Variants in DEPDC5 observed in about 807,000 individuals in gnomAD.
DEPDC5 encodes DEP domain containing 5, GATOR1 subcomplex subunit, also known as GATOR1 complex protein DEPDC5.
In DEPDC5, 73 loss-of-function variants were observed where a neutral mutation model predicts 217.3. The ratio of observed to expected loss-of-function variants is 0.34; its 90% CI spans 0.28 to 0.41. The LOEUF (loss-of-function observed/expected upper bound fraction) is 0.41, where lower values mean the gene tolerates loss of function less well. DEPDC5 is among the 10% of genes least tolerant of loss of function. The pLI is 1.00. For synonymous variants in DEPDC5, 733 were observed against 756.7 expected, an observed-to-expected ratio of 0.97 and a Z score of 0.51; for missense variants, 1,675 against 2,070.1, an observed-to-expected ratio of 0.81 and a Z score of 3.70.
chr22:31,791,738 C>G (rs2085665598), intron 10 of DEPDC5, among the ~76,000 whole-genome samples: 1 of 151,306 alleles, frequency 6.6e-6, no homozygotes, highest in South Asian at 2.1e-4. Context: ...ACCATCTTGG[C>G]CAACATGGTG....
At chr22:31,790,423 C>G (rs1203112822) in intron 10 of DEPDC5, among the ~76,000 whole-genome samples, 2 of 152,168 alleles carry the variant, frequency 1.3e-5, no homozygotes, top group Admixed American at 1.3e-4. Context: ...ATATTGATCT[C>G]CAGACTCCAT....
chr22:31,797,901 T>C (rs182457580), intron 13 of DEPDC5, among the ~76,000 whole-genome samples, 198 bp downstream of exon 13: 36 of 150,834 alleles, frequency 2.4e-4, no homozygotes, highest in African/African-American at 8.5e-4. Flanking sequence ...ATACAGGGAG[T>C]GAGGCCTTGT....
intron 7 of DEPDC5, among the ~76,000 whole-genome samples, chr22:31,771,783 T>C (rs1231569487): frequency 1.1e-5 from 1 of 93,930 alleles, no homozygotes; most frequent in Non-Finnish European, 2.1e-5. Flanking sequence ...ACACACACAG[T>C]TAGGACTAGG....
In DEPDC5 at chr22:31,804,851, C is replaced by T. The variant is rs200020310; in HGVS notation, c.1153C>T (p.Arg385Trp). The T allele has an allele frequency of 8.3e-5, 134 of 1,613,906 alleles. No individual in the cohort carries two copies. Among genetic ancestry groups the T allele is most frequent in the Non-Finnish European group, 1.1e-4 (126 of 1,179,828 alleles). Residue 385 changes from arginine to tryptophan, a missense_variant, in exon 17 of 43, where the codon CGG becomes TGG. Transcript: ENST00000651528. ...HAVPLFKLHN[R>W]SAPRDSRLGD... The stretch of plus-strand genomic sequence containing the variant: ...ATTTTTCTCCTTGCAGCTCCATAAT[C>T]GGAGTGCTCCCCGTGATTCTCGTCT...
At chr22:31,760,982 GTT>G (rs201553511) in intron 4 of DEPDC5, among the ~76,000 whole-genome samples, 1 of 139,138 alleles carries the variant, frequency 7.2e-6, no homozygotes, top group Non-Finnish European at 1.6e-5. Flanking sequence ...TCTTAACATT[GTT>G]TTTTTTTTTT....
intron 10 of DEPDC5, 74 bp downstream of exon 10, chr22:31,784,949 T>G: frequency 7.2e-7 from 1 of 1,393,274 alleles, no homozygotes; most frequent in Non-Finnish European, 1.0e-6. Context: ...GCACTGTTTT[T>G]ATTAAATTGC....
In DEPDC5 at chr22:31,777,968, G is replaced by A. The variant is rs966730151; in HGVS notation, c.414-131G>A. ...TCACCATGTTGTCCAGGCTGGTCTCGAAGTCCTGACCTCAGGTAATTCGCC... is the reference window on the plus strand; with the variant it reads ...TCACCATGTTGTCCAGGCTGGTCTCAAAGTCCTGACCTCAGGTAATTCGCC... On this transcript the variant is annotated intron_variant, in intron 7 of 42. Coordinates refer to ENST00000651528, the MANE Select transcript of DEPDC5 (RefSeq NM_001242896.3). 21 of 945,368 alleles carry A rather than the reference G, an allele frequency of 2.2e-5. No homozygotes were observed. The Middle Eastern group carries it at 6.6e-4, about 30-fold the overall frequency. The allele number at this position is 945,368 out of a possible 1,614,324, so 58.6% of individuals were successfully genotyped here. A position where few individuals can be genotyped will look rare whatever the true frequency, so the allele number is the denominator to read the frequency against.
At chr22:31,828,437 A>G (rs1013627491) in intron 24 of DEPDC5, among the ~76,000 whole-genome samples, 1 of 137,954 alleles carries the variant, frequency 7.2e-6, no homozygotes, top group Non-Finnish European at 1.5e-5. Context: ...AGGCAACAAG[A>G]GCAAAACTCC....
At position 31,778,107 on chromosome 22, in the gene DEPDC5, C is replaced by CTGG. The variant is rs761114750; in HGVS notation, c.425_427dup (p.Gly142dup). ...TGTGTGTATTCTTTCAGAGCACAGG[C>CTGG]TGGTGAACTGTGGGTTAAGAATGAG... is the stretch of plus-strand genomic sequence containing the variant. On this transcript the variant is annotated inframe_insertion, in exon 8 of 43. Transcript: ENST00000651528. 7 of 1,614,140 alleles carry CTGG rather than the reference C, an allele frequency of 4.3e-6. No individual in the cohort carries two copies. Among genetic ancestry groups the CTGG allele is most frequent in the Middle Eastern group, 1.6e-4 (1 of 6,062 alleles).
chr22:31,843,489 A>T (rs2091521346), intron 28 of DEPDC5, among the ~76,000 whole-genome samples, 156 bp from the exon 29 acceptor site: 2 of 152,212 alleles, frequency 1.3e-5, no homozygotes, highest in Admixed American at 1.3e-4. Context: ...AGAAGATCTG[A>T]GAAATTTCTA....
Position 31,906,495 on chromosome 22 carries a change from T to C in DEPDC5, c.4810T>C (p.Ter1604ArgextTer12), listed in dbSNP as rs752576823. Reference protein sequence around the residue: ...CLEKMHASAP* With the variant: ...CLEKMHASAPR ...GGAGAAGATGCATGCCAGTGCCCCG[T>C]GAGGCCAGGCTGCACCTGTGCTGGG... The change falls in exon 43 of 43, where the codon TGA becomes CGA. Residue 1604 changes from the stop codon to arginine (R), a stop_lost. Transcript: ENST00000651528. This position sits in a 1 kb window ranked among gnomAD's most constrained non-coding sequence, Gnocchi z 5.1. The C allele has an allele frequency of 6.3e-7, 1 of 1,582,580 alleles. No homozygotes were observed. Among genetic ancestry groups the C allele is most frequent in the Non-Finnish European group, 8.7e-7 (1 of 1,154,332 alleles).
chr22:31,776,312 A>G (rs563788361), intron 7 of DEPDC5, among the ~76,000 whole-genome samples: 33 of 151,946 alleles, frequency 2.2e-4, no homozygotes, highest in African/African-American at 7.7e-4. Context: ...GGGTCTCACT[A>G]TGCTACCTAG....
chr22:31,832,084 C>T (rs997401880), intron 24 of DEPDC5, among the ~76,000 whole-genome samples: 3 of 152,226 alleles, frequency 2.0e-5, no homozygotes, highest in African/African-American at 7.2e-5. Flanking sequence ...GATTCATCCA[C>T]GTTGCCACGT....
rs1217547093 is a variant in DEPDC5 at position 31,754,843 on chromosome 22, G to A, written c.-60-19G>A. 1.9e-6 allele frequency: 3 copies of A among 1,545,464 alleles called. No homozygotes were observed. The highest frequency in any genetic ancestry group is 2.7e-6 in the Non-Finnish European group (3 of 1,120,376). Reference sequence around the variant, plus strand: ...AAAAATCTGACATTCCAACCTTTTCGTTTGTATTTCTGTGGCAGGGAGGCA... The same window carrying A: ...AAAAATCTGACATTCCAACCTTTTCATTTGTATTTCTGTGGCAGGGAGGCA... On this transcript the variant is annotated intron_variant, in intron 1 of 42. Transcript: ENST00000651528.
At chr22:31,878,081 G>T (rs1033375103) in intron 37 of DEPDC5, among the ~76,000 whole-genome samples, 4 of 152,014 alleles carry the variant, frequency 2.6e-5, no homozygotes, top group African/African-American at 9.7e-5. Flanking sequence ...CAGCTACTTG[G>T]GAGGCTGAGG....
At chr22:31,826,708 T>G (rs1303717502) in intron 24 of DEPDC5, among the ~76,000 whole-genome samples, 2 of 152,230 alleles carry the variant, frequency 1.3e-5, no homozygotes, top group Non-Finnish European at 2.9e-5. Flanking sequence ...ATCTCACTGC[T>G]TGTTTTCCAT....
intron 15 of DEPDC5, among the ~76,000 whole-genome samples, chr22:31,803,583 C>T (rs961684568): frequency 6.6e-6 from 1 of 151,952 alleles, no homozygotes; most frequent in Admixed American, 6.6e-5. Context: ...TGCCTCGTAT[C>T]CCCAACTCAG....
intron 5 of DEPDC5, among the ~76,000 whole-genome samples, chr22:31,765,780 T>C (rs560427286): frequency 1.3e-5 from 2 of 151,664 alleles, no homozygotes; most frequent in African/African-American, 2.4e-5. Flanking sequence ...CCCAGCACTT[T>C]GGGAGGCCAA....
Position 31,791,014 on chromosome 22 carries a change from C to T in DEPDC5, c.625-1019C>T, listed in dbSNP as rs927674623. Reference sequence around the variant, plus strand: ...CACCCGCCTCAGCCTCCCAAAGCACCGGGATTGCAGGTTTGAGCCACCACG... The same window carrying T: ...CACCCGCCTCAGCCTCCCAAAGCACTGGGATTGCAGGTTTGAGCCACCACG... On this transcript the variant is annotated intron_variant, in intron 10 of 42. Coordinates refer to ENST00000651528, the MANE Select transcript of DEPDC5 (RefSeq NM_001242896.3). Among the ~76,000 whole-genome samples, 4 of 151,926 alleles carry T rather than the reference C, an allele frequency of 2.6e-5. No individual in the cohort carries two copies. In the South Asian group the frequency reaches 8.3e-4, roughly 32 times the overall value.
Sources: gnomAD v4.1 joint callset for allele counts (sites outside exome capture counted in the v4.1 genomes callset) on GRCh38, gnomAD v4.1.1 for gene constraint, Gnocchi (gnomAD v3.1) non-coding constraint, MANE v1.5 for transcripts, NCBI Gene and HGNC (gene_info 2026-07-23, HGNC 2026-07-21) for gene names.